The following SLC2A13 variants were observed in gnomAD, a reference collection of about 807,000 sequenced individuals.
SLC2A13 encodes the protein proton myo-inositol cotransporter.
SLC2A13 carries 32 observed loss-of-function variants against 64.4 expected under a neutral mutation model. That is an observed-to-expected ratio of 0.50 (90% CI 0.37 to 0.67). The LOEUF (loss-of-function observed/expected upper bound fraction) is 0.67, where lower values mean the gene tolerates loss of function less well. Ranked by LOEUF, SLC2A13 falls within the 30% of genes least tolerant of loss-of-function variation. SLC2A13 has a pLI of 0.00. For synonymous variants in SLC2A13, 338 were observed against 327.1 expected, an observed-to-expected ratio of 1.03 and a Z score of -0.36; for missense variants, 743 against 829.2, an observed-to-expected ratio of 0.90 and a Z score of 1.28.
intron 3 of SLC2A13, among the ~76,000 whole-genome samples, chr12:40,004,151 G>T (rs1184509570): frequency 2.2e-4 from 33 of 152,130 alleles, no homozygotes; most frequent in Non-Finnish European, 4.3e-4. Context: ...TATATGGGAA[G>T]ATGTACATAG....
chr12:40,080,665 T>C (rs1261492369), intron 1 of SLC2A13, among the ~76,000 whole-genome samples: 2 of 152,228 alleles, frequency 1.3e-5, no homozygotes, highest in Non-Finnish European at 2.9e-5. Flanking sequence ...GGGTTGGGAT[T>C]ACAGGCATAA....
At chr12:40,000,466 G>C (rs1036501617) in intron 3 of SLC2A13, among the ~76,000 whole-genome samples, 1 of 152,168 alleles carries the variant, frequency 6.6e-6, no homozygotes, top group Admixed American at 6.5e-5. Context: ...ACATACACCT[G>C]GTAGTGCCAA....
Position 39,864,835 on chromosome 12 carries a change from C to T in SLC2A13, c.1246G>A (p.Ala416Thr), listed in dbSNP as rs1490264846. ...AAAGTGATGCGTGGGGAAACTTGGG[C>T]TGATAGCACAAATCCCAAGGCAAGA... ...IILALGFVLS[A>T]QVSPRITFKP... The change falls in exon 6 of 10, where the codon GCC becomes ACC. Residue 416 changes from alanine (A) to threonine (T), a missense_variant. Coordinates refer to ENST00000280871, the MANE Select transcript of SLC2A13 (RefSeq NM_052885.4). 1.2e-6 allele frequency: 2 copies of T among 1,613,662 alleles called. No individual in the cohort carries two copies. The highest frequency in any genetic ancestry group is 2.7e-5 in the African/African-American group (2 of 74,804).
At chr12:39,809,271 T>A (rs113489413) in intron 7 of SLC2A13, among the ~76,000 whole-genome samples, 124 of 152,364 alleles carry the variant, frequency 8.1e-4, no homozygotes, top group African/African-American at 2.8e-3. Flanking sequence ...CCTTGATGTT[T>A]ATGTCTATTT....
intron 1 of SLC2A13, among the ~76,000 whole-genome samples, chr12:40,056,981 AAAAAC>A (rs1430533030): frequency 2.0e-5 from 3 of 152,160 alleles, no homozygotes; most frequent in African/African-American, 4.8e-5. Context: ...CTTCGTGTCA[AAAAAC>A]AAAACAAAAC....
intron 4 of SLC2A13, among the ~76,000 whole-genome samples, chr12:39,897,684 A>T (rs573738049): frequency 5.3e-5 from 8 of 152,196 alleles, no homozygotes. Flanking sequence ...GTGAATTTTC[A>T]TTTAAATTTG....
chr12:39,860,310 G>T (rs1943724929), intron 6 of SLC2A13, among the ~76,000 whole-genome samples: 1 of 152,192 alleles, frequency 6.6e-6, no homozygotes, highest in South Asian at 2.1e-4. Context: ...TCTATGCTGG[G>T]ATTAAAAGCC....
intron 4 of SLC2A13, among the ~76,000 whole-genome samples, chr12:39,901,584 T>A (rs1246610916): frequency 8.2e-6 from 1 of 122,042 alleles, no homozygotes; most frequent in Non-Finnish European, 1.7e-5. Flanking sequence ...AAAAAACACA[T>A]GAAAAAATGC....
chr12:40,101,026 G>A (rs1383581478), intron 1 of SLC2A13, among the ~76,000 whole-genome samples: 1 of 150,408 alleles, frequency 6.6e-6, no homozygotes, highest in African/African-American at 2.4e-5. Flanking sequence ...TTTCTGGGAT[G>A]GAAAACGTAT....
intron 3 of SLC2A13, among the ~76,000 whole-genome samples, chr12:40,001,758 C>G (rs976681420): frequency 1.3e-5 from 2 of 152,160 alleles, no homozygotes; most frequent in Non-Finnish European, 2.9e-5. Context: ...ATTAAATGTG[C>G]ATAATCACAA....
chr12:39,777,535 G>A (rs1464549643), intron 7 of SLC2A13, among the ~76,000 whole-genome samples: 11 of 152,160 alleles, frequency 7.2e-5, no homozygotes, highest in African/African-American at 2.7e-4. Flanking sequence ...CATAGGTGAG[G>A]ACAGGCATTT....
chr12:40,060,705 A>T (rs1409279434), intron 1 of SLC2A13, among the ~76,000 whole-genome samples: 7 of 152,198 alleles, frequency 4.6e-5, no homozygotes. Context: ...TCCAACAGAA[A>T]AAAGTATCTT....
At chr12:40,054,251 T>TA (rs1015456838) in intron 1 of SLC2A13, among the ~76,000 whole-genome samples, 1 of 152,162 alleles carries the variant, frequency 6.6e-6, no homozygotes, top group Non-Finnish European at 1.5e-5. Context: ...TTAGGTGCTT[T>TA]AAAAATGAAT....
chr12:39,873,780 A>G (rs187639771), intron 4 of SLC2A13, among the ~76,000 whole-genome samples: 1 of 152,334 alleles, frequency 6.6e-6, no homozygotes, highest in East Asian at 1.9e-4. Context: ...TTAAAATGAA[A>G]AAAAGTTCCA....
chr12:39,872,135 A>G (rs1334318112), intron 4 of SLC2A13, among the ~76,000 whole-genome samples, 174 bp from the exon 5 acceptor site: 1 of 152,216 alleles, frequency 6.6e-6, no homozygotes, highest in African/African-American at 2.4e-5. Context: ...TATAAAGACT[A>G]TGTTCAAATA....
At chr12:39,852,528 T>C (rs944748160) in intron 6 of SLC2A13, among the ~76,000 whole-genome samples, 2 of 152,224 alleles carry the variant, frequency 1.3e-5, no homozygotes, top group African/African-American at 4.8e-5. Flanking sequence ...TGGCTGCCCA[T>C]TGCTAGTACC....
At chr12:39,928,488 CAG>C (rs1481711831) in intron 4 of SLC2A13, among the ~76,000 whole-genome samples, 1 of 152,118 alleles carries the variant, frequency 6.6e-6, no homozygotes, top group Non-Finnish European at 1.5e-5. Context: ...CTCTACTGCA[CAG>C]AGTTAAAACA....
At chr12:39,919,627 G>GT (rs1945580150) in intron 4 of SLC2A13, among the ~76,000 whole-genome samples, 1 of 151,948 alleles carries the variant, frequency 6.6e-6, no homozygotes, top group African/African-American at 2.4e-5. Flanking sequence ...ATATAATGAT[G>GT]TTTTAGACCA....
intron 7 of SLC2A13, 34 bp downstream of exon 7, chr12:39,830,069 A>T: frequency 6.2e-7 from 1 of 1,612,330 alleles, no homozygotes; most frequent in Non-Finnish European, 8.5e-7. Flanking sequence ...TTGAAATATT[A>T]TTATATATTC....
Sources: allele counts gnomAD v4.1 joint callset (sites outside exome capture counted in the v4.1 genomes callset), GRCh38; gene constraint gnomAD v4.1.1; transcripts MANE v1.5; gene names NCBI Gene and HGNC (gene_info 2026-07-23, HGNC 2026-07-21).